IL2RB: variants seen among roughly 807,000 people sequenced by gnomAD.
IL2RB encodes interleukin 2 receptor subunit beta.
IL2RB carries 17 observed loss-of-function variants against 44.2 expected under a neutral mutation model. The observed-to-expected ratio is 0.38, with a 90% CI of 0.26 to 0.58. The LOEUF (loss-of-function observed/expected upper bound fraction) is 0.58. Among genes scored for constraint, IL2RB ranks in the 20% least tolerant of loss-of-function variants. The pLI, the probability that IL2RB is intolerant of heterozygous loss-of-function variation, is 0.63. For missense variants in IL2RB, 624 were observed against 685.5 expected (o/e 0.91, Z 1.00); for synonymous variants, 286 against 297.9 (o/e 0.96, Z 0.41).
At chr22:37,143,661 G>T in intron 2 of IL2RB, 26 bp from the exon 3 acceptor site, 1 of 1,536,312 alleles carries the variant, frequency 6.5e-7, no homozygotes, top group Non-Finnish European at 9.0e-7. Context: ...AGGTGTGAGT[G>T]CTGACTGTAG....
intron 8 of IL2RB, among the ~76,000 whole-genome samples, chr22:37,133,860 C>T (rs1921552058): frequency 6.6e-6 from 1 of 152,238 alleles, no homozygotes; most frequent in African/African-American, 2.4e-5. Context: ...CGCCCCTGCA[C>T]TCTGTTCCTG....
intron 1 of IL2RB, among the ~76,000 whole-genome samples, chr22:37,174,208 A>G (rs1334469428): frequency 6.6e-6 from 1 of 152,182 alleles, no homozygotes; most frequent in African/African-American, 2.4e-5. Flanking sequence ...CCCTTGCCAC[A>G]TCCATGAAAC....
At chr22:37,166,730 C>T (rs1363109685) in intron 1 of IL2RB, 1 of 152,226 alleles carries the variant, frequency 6.6e-6, no homozygotes, top group Non-Finnish European at 1.5e-5. Context: ...TCCCCAGCCT[C>T]CTCGAGACTT....
intron 1 of IL2RB, among the ~76,000 whole-genome samples, chr22:37,170,030 G>A (rs930821436): frequency 1.4e-5 from 2 of 147,602 alleles, no homozygotes; most frequent in East Asian, 2.0e-4. Context: ...AGGGAATGAT[G>A]GAGGGAGAGA....
chr22:37,171,172 AG>A (rs976392527), intron 1 of IL2RB, among the ~76,000 whole-genome samples: 5 of 152,182 alleles, frequency 3.3e-5, no homozygotes, highest in African/African-American at 4.8e-5. Flanking sequence ...TAGTAAAGAC[AG>A]GGTTTCACCA....
upstream of IL2RB, among the ~76,000 whole-genome samples, chr22:37,154,400 C>T (rs1188761403): frequency 6.6e-6 from 1 of 152,140 alleles, no homozygotes; most frequent in Non-Finnish European, 1.5e-5. Context: ...GTGCACCCTC[C>T]TCCCGGCATC....
At chr22:37,162,479 C>G (rs893911816) in intron 1 of IL2RB, among the ~76,000 whole-genome samples, 1 of 152,212 alleles carries the variant, frequency 6.6e-6, no homozygotes, top group Admixed American at 6.5e-5. Flanking sequence ...CACCAGTTGG[C>G]TGGCTGACCT....
At chr22:37,172,852 A>G (rs1343527451) in intron 1 of IL2RB, among the ~76,000 whole-genome samples, 1 of 152,064 alleles carries the variant, frequency 6.6e-6, no homozygotes, top group East Asian at 1.9e-4. Context: ...GGCTGAGGGC[A>G]CAAGCCTCCT....
chr22:37,151,121 T>A (rs1470709712), upstream of IL2RB, among the ~76,000 whole-genome samples: 2 of 152,210 alleles, frequency 1.3e-5, no homozygotes, highest in African/African-American at 2.4e-5. Context: ...ATATAGTAGT[T>A]CTATTTTTAG....
At position 37,127,839 on chromosome 22, in the gene IL2RB, C is replaced by A. The variant is rs781536083; in HGVS notation, c.*257G>T. On this transcript the variant is annotated 3_prime_UTR_variant, in exon 10 of 10. Coordinates refer to ENST00000216223, the MANE Select transcript of IL2RB (RefSeq NM_000878.5). ...TAAATTCGTGGGATCCTGTGATTAA[C>A]GAGGGAGTTGGGGAGTTACTGCCCC... The A allele has an allele frequency of 1.0e-4, 37 of 357,446 alleles. No homozygotes were observed. In the Middle Eastern group the frequency reaches 8.0e-3, roughly 77 times the overall value. 22.1% of individuals were successfully genotyped at this position (357,446 alleles called of 1,614,324 possible).
chr22:37,160,009 GA>G (rs1922805845), intron 1 of IL2RB, among the ~76,000 whole-genome samples: 1 of 152,174 alleles, frequency 6.6e-6, no homozygotes, highest in Non-Finnish European at 1.5e-5. Context: ...GGCACATTGC[GA>G]GGGCCACTGC....
rs935131775 is a variant in IL2RB, at chr22:37,144,234, A to C, written c.-33-29T>G. 4 of 1,517,862 alleles carry C rather than the reference A, an allele frequency of 2.6e-6. No homozygotes were observed. The Admixed American group carries it at 8.4e-5, about 32-fold the overall frequency. 94.0% of individuals were successfully genotyped at this position (1,517,862 alleles called of 1,614,324 possible). A position where few individuals can be genotyped will look rare whatever the true frequency, so the allele number is the denominator to read the frequency against. On this transcript the variant is annotated intron_variant, in intron 1 of 9. Transcript: ENST00000216223. ...GTGGGAGAGGAGAAAGAGAGAGCAC[A>C]CGTAAATACACATCCCAGGCCTCGC...
At chr22:37,162,907 C>T (rs903478529) in intron 1 of IL2RB, among the ~76,000 whole-genome samples, 3 of 152,212 alleles carry the variant, frequency 2.0e-5, no homozygotes, top group African/African-American at 7.2e-5. Flanking sequence ...ACCCCAGCAC[C>T]AGACCATGAG....
At chr22:37,153,061 A>C (rs1002824427), upstream of IL2RB, among the ~76,000 whole-genome samples, 2 of 150,454 alleles carry the variant, frequency 1.3e-5, no homozygotes, top group African/African-American at 4.9e-5. Context: ...CGGCTTCCCG[A>C]GTAGATGGGA....
intron 1 of IL2RB, among the ~76,000 whole-genome samples, chr22:37,167,180 T>C (rs910095929): frequency 6.6e-6 from 1 of 152,072 alleles, no homozygotes. Flanking sequence ...CCCCCACGTT[T>C]AGGGTTCCCA....
intron 1 of IL2RB, among the ~76,000 whole-genome samples, chr22:37,144,515 C>G (rs1922133776): frequency 6.6e-6 from 1 of 152,218 alleles, no homozygotes; most frequent in South Asian, 2.1e-4. Context: ...GAGGTCGAGG[C>G]AGACGAATCA....
intron 1 of IL2RB, among the ~76,000 whole-genome samples, chr22:37,146,770 T>A (rs1036608937): frequency 4.6e-5 from 7 of 151,286 alleles, no homozygotes; most frequent in Non-Finnish European, 7.4e-5. Context: ...CGGTGCTCAA[T>A]AAATGTAGTG....
At chr22:37,168,053 G>A (rs985058843) in intron 1 of IL2RB, among the ~76,000 whole-genome samples, 8 of 152,216 alleles carry the variant, frequency 5.3e-5, no homozygotes, top group African/African-American at 1.9e-4. Context: ...CTAACTCAGA[G>A]TACCTTCTCT....
At chr22:37,157,033 T>A (rs148572658) in intron 1 of IL2RB, among the ~76,000 whole-genome samples, 17 of 149,652 alleles carry the variant, frequency 1.1e-4, no homozygotes, top group African/African-American at 4.1e-4. Flanking sequence ...TGGTTTTGAG[T>A]CCTGGTCCCT....
Sources: allele counts gnomAD v4.1 joint callset (sites outside exome capture counted in the v4.1 genomes callset), GRCh38; gene constraint gnomAD v4.1.1; transcripts MANE v1.5; gene names NCBI Gene and HGNC (gene_info 2026-07-23, HGNC 2026-07-21).